The following GNAL variants were observed in gnomAD, a reference collection of about 807,000 sequenced individuals.
GNAL encodes G protein subunit alpha L.
Under a neutral mutation model 55.1 loss-of-function variants are expected in GNAL, and 18 were observed. The ratio of observed to expected loss-of-function variants is 0.33; its 90% CI spans 0.23 to 0.48. The LOEUF (loss-of-function observed/expected upper bound fraction) is 0.48. Ranked by LOEUF, GNAL falls within the 20% of genes least tolerant of loss-of-function variation. The probability of loss-of-function intolerance (pLI) is 0.99; values close to 1 mark genes in which losing one functional copy is unlikely to be tolerated. For missense variants in GNAL, 412 were observed against 614.1 expected (o/e 0.67, Z 3.48); for synonymous variants, 253 against 237.0 (o/e 1.07, Z -0.62).
intron 1 of GNAL, among the ~76,000 whole-genome samples, chr18:11,723,904 C>G (rs913715345): frequency 6.6e-6 from 1 of 152,214 alleles, no homozygotes; most frequent in Admixed American, 6.5e-5. Context: ...ATTCCCTTCT[C>G]TTCTGAGCAT....
At chr18:11,740,521 T>G (rs2032554503) in intron 1 of GNAL, among the ~76,000 whole-genome samples, 1 of 152,116 alleles carries the variant, frequency 6.6e-6, no homozygotes, top group Non-Finnish European at 1.5e-5. Context: ...CACACACCCA[T>G]TTGTGGACAG....
At chr18:11,808,964 CAGAA>C (rs1314720010) in intron 4 of GNAL, among the ~76,000 whole-genome samples, 1 of 152,186 alleles carries the variant, frequency 6.6e-6, no homozygotes, top group Non-Finnish European at 1.5e-5. Context: ...TTTGTAGAGA[CAGAA>C]AGGAGGGACC....
chr18:11,789,171 C>A (rs2034160316), intron 4 of GNAL, among the ~76,000 whole-genome samples: 1 of 151,936 alleles, frequency 6.6e-6, no homozygotes, highest in African/African-American at 2.4e-5. Flanking sequence ...CACAGAGGAG[C>A]AGTTGAGGCC....
intron 10 of GNAL, among the ~76,000 whole-genome samples, chr18:11,873,004 G>A (rs1051904621): frequency 6.6e-6 from 1 of 152,178 alleles, no homozygotes; most frequent in Non-Finnish European, 1.5e-5. Context: ...AGACTGAGGG[G>A]TTTCCGGGGC....
chr18:11,819,332 C>T (rs1027324006), intron 4 of GNAL, among the ~76,000 whole-genome samples: 1 of 152,082 alleles, frequency 6.6e-6, no homozygotes, highest in Non-Finnish European at 1.5e-5. Flanking sequence ...ATAGCAGTAT[C>T]AGAAGGAAAA....
At chr18:11,698,732 T>TG (rs2031485088) in intron 1 of GNAL, among the ~76,000 whole-genome samples, 2 of 152,032 alleles carry the variant, frequency 1.3e-5, no homozygotes, top group Non-Finnish European at 2.9e-5. Context: ...TGGGTGCTCC[T>TG]GGGGATGAAG....
rs2032822601 is a variant in GNAL at position 11,751,435 on chromosome 18, G to A, written c.377-1418G>A. Reference sequence around the variant, plus strand: ...GAAACGGGGGCTGGAGGTAAAGACAGGAGGCTCGGGAGGCGGCGACGTGGG... The same window carrying A: ...GAAACGGGGGCTGGAGGTAAAGACAAGAGGCTCGGGAGGCGGCGACGTGGG... On this transcript the variant is annotated intron_variant, in intron 1 of 11. Coordinates refer to ENST00000334049, the MANE Select transcript of GNAL (RefSeq NM_182978.4). This position sits in a 1 kb window ranked among gnomAD's most constrained non-coding sequence, Gnocchi z 4.5. The A allele has an allele frequency of 1.2e-6, 1 of 849,974 alleles. No individual in the cohort carries two copies. The highest frequency in any genetic ancestry group is 5.4e-5 in the South Asian group (1 of 18,616). 52.7% of individuals were successfully genotyped at this position (849,974 alleles called of 1,614,324 possible). A position where few individuals can be genotyped will look rare whatever the true frequency, so the allele number is the denominator to read the frequency against.
At chr18:11,818,662 G>A (rs1449820359) in intron 4 of GNAL, among the ~76,000 whole-genome samples, 1 of 152,210 alleles carries the variant, frequency 6.6e-6, no homozygotes, top group Non-Finnish European at 1.5e-5. Flanking sequence ...CCGCAGTGAA[G>A]TTACTGCTCA....
chr18:11,874,213 T>G (rs2036469871), intron 10 of GNAL: 1 of 152,270 alleles, frequency 6.6e-6, no homozygotes, highest in African/African-American at 2.4e-5. Flanking sequence ...CATCTCCATC[T>G]GTGCCCTGCC....
intron 4 of GNAL, among the ~76,000 whole-genome samples, chr18:11,771,352 TTAAC>T (rs765474194): frequency 1.8e-4 from 27 of 152,326 alleles, no homozygotes; most frequent in East Asian, 9.6e-4. Context: ...AATGTTAACA[TTAAC>T]TAATTGGAAG....
rs561711300 is a variant in GNAL, at chr18:11,712,125, C to A, written c.376+22186C>A. Among the ~76,000 whole-genome samples the A allele has an allele frequency of 5.6e-4, 86 of 152,386 alleles. 1 individual carries two copies. Among genetic ancestry groups the A allele is most frequent in the African/African-American group, 2.0e-3 (84 of 41,586 alleles). ...TCAGCCAGAGCTGTGCTGGCCACAG[C>A]AAACCAACTGCCCCTTTTCTTTGTT... is the stretch of plus-strand genomic sequence containing the variant. On this transcript the variant is annotated intron_variant, in intron 1 of 11. Transcript: ENST00000334049.
At chr18:11,799,471 C>T (rs985795286) in intron 4 of GNAL, among the ~76,000 whole-genome samples, 1 of 152,092 alleles carries the variant, frequency 6.6e-6, no homozygotes, top group African/African-American at 2.4e-5. Flanking sequence ...GGTCACTGTC[C>T]AGCCCTCAGC....
chr18:11,788,906 A>ATATATATATATAT (rs1555650621), intron 4 of GNAL, among the ~76,000 whole-genome samples: 13 of 23,554 alleles, frequency 5.5e-4, no homozygotes, highest in Admixed American at 2.6e-3. Context: ...CGAAAAAAAA[A>ATATATATATATAT]AAAAAAAAAT....
intron 1 of GNAL, among the ~76,000 whole-genome samples, chr18:11,730,347 T>TG: frequency 6.6e-6 from 1 of 151,870 alleles, no homozygotes; most frequent in African/African-American, 2.4e-5. Flanking sequence ...TTAGTAGAGA[T>TG]GGGGGTTTCC....
At chr18:11,689,992 C>T (rs1442572282) in intron 1 of GNAL, 53 bp downstream of exon 1, 2 of 1,078,502 alleles carry the variant, frequency 1.9e-6, no homozygotes, top group South Asian at 4.2e-5. Flanking sequence ...GCGCCGGGCC[C>T]GCGGGGGCGG....
chr18:11,849,421 G>C (rs1202240000), intron 5 of GNAL, among the ~76,000 whole-genome samples: 4 of 149,098 alleles, frequency 2.7e-5, no homozygotes, highest in African/African-American at 1.0e-4. Flanking sequence ...AGAATCGCGT[G>C]AACCCAGAAG....
intron 4 of GNAL, 68 bp downstream of exon 4, chr18:11,754,013 T>G (rs2032950945): frequency 1.2e-5 from 14 of 1,191,532 alleles, no homozygotes; most frequent in Non-Finnish European, 1.7e-5. Flanking sequence ...GGTTTCTTAT[T>G]GAGAATCAAT....
In GNAL at chr18:11,726,152, TG is replaced by T. The variant is rs144441390; in HGVS notation, c.377-26700del. On this transcript the variant is annotated intron_variant, in intron 1 of 11. Coordinates refer to ENST00000334049, the MANE Select transcript of GNAL (RefSeq NM_182978.4). The stretch of plus-strand genomic sequence containing the variant: ...AGATCACTGTAGCTTTATGTTATAG[TG>T]AGTCTTGAAATCATGTAGTGTCAGT... Among the ~76,000 whole-genome samples, 828 of 152,360 alleles carry T rather than the reference TG, an allele frequency of 5.4e-3. 5 individuals carry two copies. The highest frequency in any genetic ancestry group is 0.019 in the African/African-American group (771 of 41,580).
At chr18:11,814,128 G>T (rs2034892628) in intron 4 of GNAL, among the ~76,000 whole-genome samples, 1 of 152,144 alleles carries the variant, frequency 6.6e-6, no homozygotes. Context: ...TTACTAAGTG[G>T]TAGGCAAATA....
Sources: allele counts gnomAD v4.1 joint callset (sites outside exome capture counted in the v4.1 genomes callset), GRCh38; gene constraint gnomAD v4.1.1; non-coding constraint Gnocchi (gnomAD v3.1); transcripts MANE v1.5; gene names NCBI Gene and HGNC (gene_info 2026-07-23, HGNC 2026-07-21).